Variants in WRN observed in about 807,000 individuals in gnomAD.
WRN encodes WRN RecQ like helicase.
In WRN, 149 loss-of-function variants were observed where a neutral mutation model predicts 180.7. The observed-to-expected ratio is 0.82, with a 90% confidence interval of 0.72 to 0.94. The LOEUF is 0.94. Ranked by LOEUF, WRN falls within the 40% of genes least tolerant of loss-of-function variation. The probability of loss-of-function intolerance (pLI) is 0.00; values close to 1 mark genes in which losing one functional copy is unlikely to be tolerated. For missense variants in WRN, 1,661 were observed against 1,700.1 expected, an observed-to-expected ratio of 0.98 and a Z score of 0.40; for synonymous variants, 548 against 568.9, an observed-to-expected ratio of 0.96 and a Z score of 0.52.
chr8:31,043,096 C>G (rs1375607853), intron 1 of WRN, among the ~76,000 whole-genome samples: 1 of 152,194 alleles, frequency 6.6e-6, no homozygotes, highest in East Asian at 1.9e-4. Context: ...GGCCTTCAGG[C>G]AAGTTCACTC....
At chr8:31,146,158 G>T (rs1045165631) in intron 28 of WRN, among the ~76,000 whole-genome samples, 1 of 151,516 alleles carries the variant, frequency 6.6e-6, no homozygotes, top group Non-Finnish European at 1.5e-5. Flanking sequence ...TGAATGACAC[G>T]CTTAGAGTAC....
At chr8:31,071,063 A>T (rs999935602) in intron 7 of WRN, among the ~76,000 whole-genome samples, 4 of 142,608 alleles carry the variant, frequency 2.8e-5, no homozygotes, top group African/African-American at 1.0e-4. Context: ...AAAAAAAAAA[A>T]GTTAGCTAGC....
Position 31,167,085 on chromosome 8 carries a change from A to G in WRN, c.4046A>G (p.His1349Arg). The G allele has an allele frequency of 6.2e-7, 1 of 1,613,482 alleles. No homozygotes were observed. The highest frequency in any genetic ancestry group is 8.5e-7 in the Non-Finnish European group (1 of 1,179,544). ...VPENIDTYLIHMAIEILKHGP... is the reference protein window; with the variant it reads ...VPENIDTYLIRMAIEILKHGP... ...GAAAACATTGACACGTACCTTATCC[A>G]CATGGCAATTGAGATCCTTAAACAT... Residue 1349 changes from histidine (H) to arginine (R), a missense_variant, in exon 34 of 35, where the codon CAC (histidine) becomes CGC (arginine). Around this residue, in one of 3 missense-constraint regions of WRN, gnomAD observed 1,141 missense variants for 1,149.4 expected, o/e 0.99. Transcript: ENST00000298139.
intron 18 of WRN, among the ~76,000 whole-genome samples, chr8:31,104,063 A>C (rs1800990727): frequency 6.6e-6 from 1 of 152,190 alleles, no homozygotes; most frequent in South Asian, 2.1e-4. Flanking sequence ...GTGAATGGTT[A>C]AACAACCTGA....
chr8:31,044,340 T>C (rs1014589685), intron 1 of WRN, among the ~76,000 whole-genome samples: 4 of 116,290 alleles, frequency 3.4e-5, no homozygotes, highest in African/African-American at 1.3e-4. Context: ...TTGCCCGACC[T>C]TCTTTTTTTT....
At chr8:31,079,197 G>A (rs1813207776) in intron 8 of WRN, among the ~76,000 whole-genome samples, 2 of 152,064 alleles carry the variant, frequency 1.3e-5, no homozygotes, top group Non-Finnish European at 1.5e-5. Context: ...CTTTGTCTAC[G>A]TAAGCTTGAG....
Position 31,150,363 on chromosome 8 carries a change from A to T in WRN, c.3595A>T (p.Lys1199Ter), listed in dbSNP as rs1163588175. 1 of 1,614,142 alleles carries T rather than the reference A, an allele frequency of 6.2e-7. No homozygotes were observed. The highest frequency in any genetic ancestry group is 2.2e-5 in the East Asian group (1 of 44,866). ...CAGACCAACTACGGTTGAAAACGTA[A>T]AAAGGATTGATGGTGTTTCTGAAGG... ...KMRPTTVENV[K>*]RIDGVSEGKA... Residue 1199 changes from lysine to a stop codon, truncating the protein, a stop_gained, in exon 31 of 35, where the codon AAA becomes TAA. Transcript: ENST00000298139. LOFTEE classifies it high-confidence loss of function.
chr8:31,139,623 A>G (rs1373525202), intron 24 of WRN, among the ~76,000 whole-genome samples: 2 of 152,176 alleles, frequency 1.3e-5, no homozygotes, highest in Non-Finnish European at 2.9e-5. Context: ...CTGCAAACCA[A>G]CGTGAACCTG....
intron 5 of WRN, among the ~76,000 whole-genome samples, chr8:31,065,323 T>A (rs1203407363): frequency 6.6e-6 from 1 of 152,130 alleles, no homozygotes; most frequent in Non-Finnish European, 1.5e-5. Flanking sequence ...ATCATACAGA[T>A]TATTTTATCA....
intron 33 of WRN, 120 bp from the exon 34 acceptor site, chr8:31,166,902 C>A (rs898037268): frequency 9.7e-7 from 1 of 1,030,824 alleles, no homozygotes; most frequent in Non-Finnish European, 1.4e-6. Flanking sequence ...AAAGAGGAAA[C>A]TTTTCTTTGG....
chr8:31,079,195 A>G (rs1813207580), intron 8 of WRN, among the ~76,000 whole-genome samples: 2 of 152,210 alleles, frequency 1.3e-5, no homozygotes, highest in Admixed American at 6.5e-5. Flanking sequence ...GACTTTGTCT[A>G]CGTAAGCTTG....
At chr8:31,152,267 C>G (rs1279961285) in intron 31 of WRN, among the ~76,000 whole-genome samples, 2 of 151,056 alleles carry the variant, frequency 1.3e-5, no homozygotes, top group Non-Finnish European at 2.9e-5. Context: ...GGAGGCGGAG[C>G]TTGGAGTAAG....
intron 20 of WRN, among the ~76,000 whole-genome samples, chr8:31,119,676 T>A (rs958230251): frequency 3.3e-5 from 5 of 151,998 alleles, no homozygotes; most frequent in Admixed American, 6.6e-5. Flanking sequence ...CTATTTGTAT[T>A]TTTATTGTTA....
At chr8:31,042,282 A>G (rs924173755) in intron 1 of WRN, among the ~76,000 whole-genome samples, 2 of 152,172 alleles carry the variant, frequency 1.3e-5, no homozygotes, top group African/African-American at 4.8e-5. Context: ...GGGAGGCACT[A>G]TCTCCCTTGG....
At chr8:31,077,407 A>AT (rs5890551) in intron 8 of WRN, among the ~76,000 whole-genome samples, 78,793 of 150,032 alleles carry the variant, frequency 0.53, 22,263 homozygotes, top group Middle Eastern at 0.62. Context: ...CACCTGGCTA[A>AT]TTTTTTTTTT....
intron 28 of WRN, among the ~76,000 whole-genome samples, chr8:31,144,099 G>A (rs537721752): frequency 6.6e-6 from 1 of 152,162 alleles, no homozygotes; most frequent in South Asian, 2.1e-4. Flanking sequence ...TGGCTTTATT[G>A]TGACTTGCAG....
intron 19 of WRN, among the ~76,000 whole-genome samples, chr8:31,113,152 G>A (rs1476628306): frequency 6.7e-6 from 1 of 150,270 alleles, no homozygotes; most frequent in Non-Finnish European, 1.5e-5. Context: ...GCTGCAGTGA[G>A]CTGAGATCAC....
chr8:31,094,656 T>G (rs1813886828), intron 16 of WRN, among the ~76,000 whole-genome samples: 1 of 152,174 alleles, frequency 6.6e-6, no homozygotes, highest in African/African-American at 2.4e-5. Context: ...CTATTATCTC[T>G]GTTCTGCCCA....
intron 33 of WRN, among the ~76,000 whole-genome samples, chr8:31,160,850 G>A (rs1437891429): frequency 6.6e-6 from 1 of 152,066 alleles, no homozygotes; most frequent in Non-Finnish European, 1.5e-5. Context: ...TGGGCTTGGT[G>A]GCACACACCT....
Sources: allele counts gnomAD v4.1 joint callset (sites outside exome capture counted in the v4.1 genomes callset), GRCh38; gene constraint gnomAD v4.1.1; regional missense constraint gnomAD v4.1.1; transcripts MANE v1.5; gene names NCBI Gene and HGNC (gene_info 2026-07-23, HGNC 2026-07-21).